ANKS1B: variants seen among roughly 807,000 people sequenced by gnomAD.
ANKS1B encodes ankyrin repeat and sterile alpha motif domain containing 1B.
ANKS1B carries 36 observed loss-of-function variants against 148.3 expected under a neutral mutation model. The observed-to-expected ratio is 0.24, with a 90% CI of 0.19 to 0.32. ANKS1B has a LOEUF of 0.32. ANKS1B is among the 10% of genes least tolerant of loss of function. The probability of loss-of-function intolerance (pLI) is 1.00; values close to 1 mark genes in which losing one functional copy is unlikely to be tolerated. For missense variants in ANKS1B, 1,157 were observed against 1,542.6 expected, an observed-to-expected ratio of 0.75 and a Z score of 4.19; for synonymous variants, 542 against 560.8, an observed-to-expected ratio of 0.97 and a Z score of 0.47.
At chr12:99,255,148 T>C (rs186662982) in intron 12 of ANKS1B, among the ~76,000 whole-genome samples, 70 of 152,290 alleles carry the variant, frequency 4.6e-4, no homozygotes, top group African/African-American at 1.6e-3. Context: ...TGTGGAAAGA[T>C]TTCAAATTAT....
Position 99,578,120 on chromosome 12 carries a change from A to G in ANKS1B, c.1273-73479T>C, listed in dbSNP as rs545848653. On this transcript the variant is annotated intron_variant, in intron 9 of 26. Transcript: ENST00000683438. ...CAAACAGAAGTAAAAATAAAACCAT[A>G]TGATTTTGTCAATAGACATGGAAAA... Among the ~76,000 whole-genome samples, 4 of 152,272 alleles carry G rather than the reference A, an allele frequency of 2.6e-5. No individual in the cohort carries two copies. In the East Asian group the frequency reaches 7.7e-4, roughly 29 times the overall value.
rs139876733 is a variant in ANKS1B, at chr12:99,149,255, C to T, written c.2526+5034G>A. Among the ~76,000 whole-genome samples, 564 of 152,194 alleles carry T rather than the reference C, an allele frequency of 3.7e-3. 6 individuals are homozygous for T. Among genetic ancestry groups the T allele is most frequent in the African/African-American group, 0.013 (527 of 41,542 alleles). ...TGGAAAAGAGATGTAAGTCCATTAACGTGTAAAATGCACCATAGCAATGGG... is the reference window on the plus strand; with the variant it reads ...TGGAAAAGAGATGTAAGTCCATTAATGTGTAAAATGCACCATAGCAATGGG... On this transcript the variant is annotated intron_variant, in intron 15 of 26. Transcript: ENST00000683438.
chr12:98,866,260 G>A (rs1248173344), intron 17 of ANKS1B, among the ~76,000 whole-genome samples: 1 of 152,150 alleles, frequency 6.6e-6, no homozygotes, highest in Admixed American at 6.5e-5. Context: ...TTCAGTTACA[G>A]CACTCCTGTG....
At chr12:99,864,121 A>G (rs1370731540) in intron 1 of ANKS1B, among the ~76,000 whole-genome samples, 5 of 150,648 alleles carry the variant, frequency 3.3e-5, no homozygotes, top group Admixed American at 2.0e-4. Context: ...CTCTTTTCCA[A>G]TTTTGTTATG....
intron 9 of ANKS1B, among the ~76,000 whole-genome samples, chr12:99,646,652 CAAAAAAAA>C (rs35481645): frequency 1.7e-4 from 6 of 35,882 alleles, no homozygotes; most frequent in Admixed American, 4.3e-4. Flanking sequence ...GACTCCATCT[CAAAAAAAA>C]AAAAAAAAAA....
chr12:99,546,837 G>A (rs1352585678), intron 9 of ANKS1B, among the ~76,000 whole-genome samples: 1 of 152,180 alleles, frequency 6.6e-6, no homozygotes, highest in Non-Finnish European at 1.5e-5. Context: ...CAGTAAGGTT[G>A]GAGAAGTAGG....
At chr12:99,883,627 C>T (rs990703967) in intron 1 of ANKS1B, among the ~76,000 whole-genome samples, 2 of 151,770 alleles carry the variant, frequency 1.3e-5, no homozygotes, top group Non-Finnish European at 2.9e-5. Context: ...AGGGGGGAAT[C>T]TGCAAATCGG....
intron 12 of ANKS1B, among the ~76,000 whole-genome samples, chr12:99,282,027 C>A (rs1260285160): frequency 3.3e-5 from 5 of 151,990 alleles, no homozygotes. Flanking sequence ...CAAAAGAAAA[C>A]AAGTCAAATG....
intron 15 of ANKS1B, among the ~76,000 whole-genome samples, chr12:99,141,154 T>G (rs1266943516): frequency 6.6e-6 from 1 of 152,130 alleles, no homozygotes; most frequent in Non-Finnish European, 1.5e-5. Flanking sequence ...TTCCTTTCAG[T>G]AGCCAAACAT....
intron 9 of ANKS1B, among the ~76,000 whole-genome samples, chr12:99,614,250 T>C (rs533565368): frequency 9.9e-5 from 15 of 151,836 alleles, no homozygotes; most frequent in African/African-American, 3.4e-4. Flanking sequence ...GCCTGGCCAA[T>C]ATGGCAAAAC....
intron 9 of ANKS1B, among the ~76,000 whole-genome samples, chr12:99,635,477 T>G (rs940225948): frequency 6.6e-6 from 1 of 152,164 alleles, no homozygotes; most frequent in African/African-American, 2.4e-5. Context: ...GAGAACATTA[T>G]GCTAAGTGAA....
At chr12:98,953,025 T>G (rs1413278963) in intron 17 of ANKS1B, among the ~76,000 whole-genome samples, 1 of 63,906 alleles carries the variant, frequency 1.6e-5, no homozygotes, top group East Asian at 5.5e-4. Flanking sequence ...CACTCAGCTA[T>G]TTTTTTTTTT....
chr12:98,750,781 G>A lies in ANKS1B; in HGVS notation c.3747+574C>T, dbSNP rs111378785. Among the ~76,000 whole-genome samples the A allele has an allele frequency of 3.8e-3, 582 of 152,332 alleles. 2 individuals carry two copies. Among genetic ancestry groups the A allele is most frequent in the African/African-American group, 0.013 (560 of 41,582 alleles). On this transcript the variant is annotated intron_variant, in intron 26 of 26. Coordinates refer to ENST00000683438, the MANE Select transcript of ANKS1B (RefSeq NM_001352186.2). ...AGGGAAGGGGAAGAAATTCCTGGAG[G>A]AAGGCAGATGCTGAGAAGGAGGGGC...
chr12:99,600,146 G>GA lies in ANKS1B; in HGVS notation c.1272+54920dup, dbSNP rs201619804. ...AAATTATCTTATTAAAGTCAGCTCAGAAAAAAAAATAGAGCATTTAGTGTT... is the reference window on the plus strand; with the variant it reads ...AAATTATCTTATTAAAGTCAGCTCAGAAAAAAAAAATAGAGCATTTAGTGTT... On this transcript the variant is annotated intron_variant, in intron 9 of 26. Transcript: ENST00000683438. Among the ~76,000 whole-genome samples the GA allele has an allele frequency of 4.7e-3, 708 of 149,620 alleles. 3 individuals are homozygous for GA. Among genetic ancestry groups the GA allele is most frequent in the African/African-American group, 0.015 (613 of 40,900 alleles).
intron 1 of ANKS1B, among the ~76,000 whole-genome samples, chr12:99,912,145 A>G (rs1048770955): frequency 6.6e-6 from 1 of 152,182 alleles, no homozygotes; most frequent in African/African-American, 2.4e-5. Context: ...GACAGAGAAA[A>G]TGTTTGATTT....
Position 99,861,396 on chromosome 12 carries a change from T to C in ANKS1B, c.135-36007A>G, listed in dbSNP as rs115066143. Among the ~76,000 whole-genome samples, 626 of 152,324 alleles carry C rather than the reference T, an allele frequency of 4.1e-3. 5 individuals are homozygous for C. The highest frequency in any genetic ancestry group is 0.014 in the African/African-American group (588 of 41,574). ...GAAGTGTAATTTCTTTAAAAAGATA[T>C]ATCTAGTTACTCTATCACTGACTCT... On this transcript the variant is annotated intron_variant, in intron 1 of 26. Transcript: ENST00000683438.
intron 10 of ANKS1B, among the ~76,000 whole-genome samples, chr12:99,461,401 G>A (rs534250077): frequency 4.9e-4 from 75 of 151,718 alleles, no homozygotes; most frequent in Admixed American, 2.7e-3. Flanking sequence ...AACCAAATAC[G>A]AACTGTTTCC....
intron 9 of ANKS1B, among the ~76,000 whole-genome samples, chr12:99,654,264 G>A (rs966392134): frequency 3.3e-5 from 5 of 152,070 alleles, no homozygotes; most frequent in African/African-American, 9.7e-5. Flanking sequence ...CGTATTTGTC[G>A]TGACAGAAGG....
At chr12:99,495,342 A>AGTGTGTGTGTGTGTGTGTGTGTGTGT (rs56107230) in intron 10 of ANKS1B, among the ~76,000 whole-genome samples, 7 of 145,298 alleles carry the variant, frequency 4.8e-5, no homozygotes, top group African/African-American at 1.5e-4. Flanking sequence ...GGGGAGAAAA[A>AGTGTGTGTGTGTGTGTGTGTGTGTGT]GTGTGTGTGT....
Sources: gnomAD v4.1 joint callset for allele counts (sites outside exome capture counted in the v4.1 genomes callset) on GRCh38, gnomAD v4.1.1 for gene constraint, MANE v1.5 for transcripts, NCBI Gene and HGNC (gene_info 2026-07-23, HGNC 2026-07-21) for gene names.